ABHD15: variants seen among roughly 807,000 people sequenced by gnomAD.
ABHD15 encodes the protein protein ABHD15.
In ABHD15, 34 loss-of-function variants were observed where a neutral mutation model predicts 34.4. That is an observed-to-expected ratio of 0.99 (90% confidence interval 0.75 to 1.32). The LOEUF is 1.32. Among genes scored for constraint, ABHD15 ranks in the 40% most tolerant of loss-of-function variants. ABHD15 has a pLI of 0.00. For synonymous variants in ABHD15, 314 were observed against 299.2 expected, an observed-to-expected ratio of 1.05 and a Z score of -0.51; for missense variants, 644 against 650.4, an observed-to-expected ratio of 0.99 and a Z score of 0.11.
At position 29,561,021 on chromosome 17, in the gene ABHD15, T is replaced by C. The variant is rs2032622527; in HGVS notation, c.*1540A>G. The stretch of plus-strand genomic sequence containing the variant: ...TTATCGAGTGCTGTCTACATTTCAG[T>C]GCAGATTCTTGGAGTTATTTCAAAG... On this transcript the variant is annotated 3_prime_UTR_variant, in exon 2 of 2. Transcript: ENST00000307201. 2 of 152,318 alleles carry C rather than the reference T, an allele frequency of 1.3e-5. No homozygotes were observed. The highest frequency in any genetic ancestry group is 3.4e-3 in the Middle Eastern group (1 of 292). 9.4% of individuals were successfully genotyped at this position (152,318 alleles called of 1,614,324 possible). A position where few individuals can be genotyped will look rare whatever the true frequency, so the allele number is the denominator to read the frequency against.
rs567633454 is a variant in ABHD15 at position 29,562,804 on chromosome 17, G to A, written c.1164C>T (p.His388=). Residue 388 remains histidine, a synonymous_variant, in exon 2 of 2, where the codon CAC becomes CAT. Coordinates refer to ENST00000307201, the MANE Select transcript of ABHD15 (RefSeq NM_198147.3). ...NPYFFLLLSR[H]GGHCGFLRQE... ...GGCGCAGGAAGCCACAGTGGCCTCC[G>A]TGGCGACTGAGCAGGAGGAAGAAGT... 121 of 1,613,366 alleles carry A rather than the reference G, an allele frequency of 7.5e-5. No homozygotes were observed. Among genetic ancestry groups the A allele is most frequent in the South Asian group, 4.4e-4 (40 of 91,078 alleles).
chr17:29,563,477 T>C (rs953059105), intron 1 of ABHD15, among the ~76,000 whole-genome samples: 1 of 151,308 alleles, frequency 6.6e-6, no homozygotes, highest in East Asian at 1.9e-4. Context: ...GCCTGGGAGG[T>C]CAAGGCTGCA....
rs751969763 is a variant in ABHD15, at chr17:29,566,848, C to A, written c.119G>T (p.Gly40Val). 2.1e-5 allele frequency: 32 copies of A among 1,513,626 alleles called. No individual in the cohort carries two copies. Among genetic ancestry groups the A allele is most frequent in the Non-Finnish European group, 2.7e-5 (31 of 1,139,168 alleles). 93.8% of individuals were successfully genotyped at this position (1,513,626 alleles called of 1,614,324 possible). ...GRAVGERTLP[G>V]AQDRDDGEEA... is the part of the protein sequence containing the mutation. ...CTCCCCGTCGTCTCGGTCTTGGGCC[C>A]CCGGCAGGGTCCTCTCTCCGACGGC... is the stretch of plus-strand genomic sequence containing the variant. Residue 40 changes from glycine (G) to valine (V), a missense_variant, in exon 1 of 2, where the codon GGG (glycine) becomes GTG (valine). By Grantham distance (109) the Gly-to-Val change is moderately radical. Coordinates refer to ENST00000307201, the MANE Select transcript of ABHD15 (RefSeq NM_198147.3).
At position 29,562,704 on chromosome 17, in the gene ABHD15, C is replaced by T. The variant is rs866479542; in HGVS notation, c.1264G>A (p.Glu422Lys). 1 of 1,614,198 alleles carries T rather than the reference C, an allele frequency of 6.2e-7. No homozygotes were observed. The highest frequency in any genetic ancestry group is 8.5e-7 in the Non-Finnish European group (1 of 1,180,046). ...FRALTEFFRT[E>K]ERIKGLSRHR... ...CTGCTCAGCCCTTTAATCCTCTCCT[C>T]CGTTCGGAAGAACTCAGTCAAGGCC... Residue 422 changes from glutamate (E) to lysine (K), a missense_variant, in exon 2 of 2, where the codon GAG becomes AAG. Coordinates refer to ENST00000307201, the MANE Select transcript of ABHD15 (RefSeq NM_198147.3).
intron 1 of ABHD15, 133 bp from the exon 2 acceptor site, chr17:29,563,219 G>C: frequency 9.6e-7 from 1 of 1,039,188 alleles, no homozygotes; most frequent in South Asian, 1.6e-5. Context: ...GCCATTTAGG[G>C]CTTCGAAAAC....
rs2032653309 is a variant in ABHD15, at chr17:29,563,056, G to A, written c.912C>T (p.Asp304=). 6.2e-7 allele frequency: 1 copy of A among 1,608,604 alleles called. No individual in the cohort carries two copies. The highest frequency in any genetic ancestry group is 1.3e-5 in the African/African-American group (1 of 75,036). The change falls in exon 2 of 2, where the codon GAC becomes GAT. Residue 304 remains aspartate, a synonymous_variant. Transcript: ENST00000307201. ...RYATALEDTV[D]TSRLFRSRSL... is the part of the protein sequence containing the mutation. ...AACGGCTCCTGAACAGTCTGCTGGT[G>A]TCCACAGTGTCCTCCAGGGCTGTGG... is the stretch of plus-strand genomic sequence containing the variant.
chr17:29,566,170 A>G lies in ABHD15; in HGVS notation c.797T>C (p.Leu266Pro). The change falls in exon 1 of 2, where the codon CTG becomes CCG. Residue 266 changes from leucine (L) to proline (P), a missense_variant. Physicochemically the swap from Leu to Pro is moderately conservative, Grantham distance 98. Transcript: ENST00000307201. Reference protein sequence around the residue: ...VTGAACISPVLRCREWFEAGL... With the variant: ...VTGAACISPVPRCREWFEAGL... ...GGCCTCGAACCACTCTCGGCAGCGC[A>G]GCACGGGCGAGATGCAGGCGGCGCC... 1.9e-6 allele frequency: 3 copies of G among 1,608,060 alleles called. No homozygotes were observed. Among genetic ancestry groups the G allele is most frequent in the Non-Finnish European group, 2.5e-6 (3 of 1,176,716 alleles).
At chr17:29,563,124 G>A (rs187845373) in intron 1 of ABHD15, 38 bp from the exon 2 acceptor site, 9 of 1,569,304 alleles carry the variant, frequency 5.7e-6, no homozygotes, top group Non-Finnish European at 7.7e-6. Context: ...GTGGGAAAGA[G>A]AGGGAAGAAT....
intron 1 of ABHD15, among the ~76,000 whole-genome samples, chr17:29,563,375 A>C (rs1417208255): frequency 4.1e-5 from 6 of 146,044 alleles, no homozygotes; most frequent in Non-Finnish European, 7.5e-5. Context: ...CAGGGCGAAA[A>C]CCCATCTCTA....
Position 29,567,022 on chromosome 17 carries a change from G to T in ABHD15, c.-56C>A. The T allele has an allele frequency of 1.6e-6, 2 of 1,227,314 alleles. No individual in the cohort carries two copies. The highest frequency in any genetic ancestry group is 2.0e-6 in the Non-Finnish European group (2 of 986,448). 76.0% of individuals were successfully genotyped at this position (1,227,314 alleles called of 1,614,324 possible). A position where few individuals can be genotyped will look rare whatever the true frequency, so the allele number is the denominator to read the frequency against. On this transcript the variant is annotated 5_prime_UTR_variant, in exon 1 of 2. Coordinates refer to ENST00000307201, the MANE Select transcript of ABHD15 (RefSeq NM_198147.3). The surrounding 1 kb of genome is among the most constrained non-coding windows in gnomAD (Gnocchi z 6.6). ...GGCGGCGGGGCCGTCTACTCGGCGA[G>T]CTCCGCGCTTTGCCCGCGGCTCCGC...
chr17:29,564,219 A>G (rs541663876), intron 1 of ABHD15, among the ~76,000 whole-genome samples: 14 of 152,394 alleles, frequency 9.2e-5, no homozygotes, highest in South Asian at 4.1e-4. Flanking sequence ...ACCTCTGCTA[A>G]TAATTCACAT....
At position 29,561,310 on chromosome 17, in the gene ABHD15, T is replaced by A. The variant is rs938603917; in HGVS notation, c.*1251A>T. On this transcript the variant is annotated 3_prime_UTR_variant, in exon 2 of 2. Coordinates refer to ENST00000307201, the MANE Select transcript of ABHD15 (RefSeq NM_198147.3). ...AACATATGTCCTGTTGCCAAAAAAA[T>A]TTTAATTGCCTAATCCAAACCAGAA... The A allele has an allele frequency of 6.6e-6, 1 of 152,192 alleles. No homozygotes were observed. The highest frequency in any genetic ancestry group is 2.4e-5 in the African/African-American group (1 of 41,444). The allele number at this position is 152,192 out of a possible 1,614,324, so 9.4% of individuals were successfully genotyped here.
chr17:29,561,400 A>C lies in ABHD15; in HGVS notation c.*1161T>G, dbSNP rs1220422625. The C allele has an allele frequency of 6.6e-6, 1 of 152,278 alleles. No homozygotes were observed. Among genetic ancestry groups the C allele is most frequent in the East Asian group, 1.9e-4 (1 of 5,208 alleles). 9.4% of individuals were successfully genotyped at this position (152,278 alleles called of 1,614,324 possible). A position where few individuals can be genotyped will look rare whatever the true frequency, so the allele number is the denominator to read the frequency against. On this transcript the variant is annotated 3_prime_UTR_variant, in exon 2 of 2. Transcript: ENST00000307201. Reference sequence around the variant, plus strand: ...TACTATATCTCTAGTCCTCAGCATTATTCTTCATAAAACCAAATACCCACT... The same window carrying C: ...TACTATATCTCTAGTCCTCAGCATTCTTCTTCATAAAACCAAATACCCACT...
Position 29,566,640 on chromosome 17 carries a change from G to C in ABHD15, c.327C>G (p.Leu109=), listed in dbSNP as rs1324222770. The change falls in exon 1 of 2, where the codon CTC becomes CTG. Residue 109 remains leucine (L), a synonymous_variant. Coordinates refer to ENST00000307201, the MANE Select transcript of ABHD15 (RefSeq NM_198147.3). ...SWFSGPHLQT[L]CHFVLPVAPG... is the part of the protein sequence containing the mutation. ...GCGCTACGGGCAGGACGAAGTGGCA[G>C]AGGGTCTGCAGGTGGGGCCCGGAGA... 2.5e-6 allele frequency: 4 copies of C among 1,606,568 alleles called. No individual in the cohort carries two copies. The African/African-American group carries it at 5.3e-5, about 21-fold the overall frequency.
chr17:29,562,350 A>G lies in ABHD15; in HGVS notation c.*211T>C. On this transcript the variant is annotated 3_prime_UTR_variant, in exon 2 of 2. Coordinates refer to ENST00000307201, the MANE Select transcript of ABHD15 (RefSeq NM_198147.3). ...CCGGATGAGTAGGGATATGTTGAGC[A>G]GAGGCCAGGCAGGAGTTCTGCTGAG... is the stretch of plus-strand genomic sequence containing the variant. 3.8e-6 allele frequency: 2 copies of G among 531,832 alleles called. No homozygotes were observed. The highest frequency in any genetic ancestry group is 6.3e-5 in the South Asian group (2 of 31,588). The allele number at this position is 531,832 out of a possible 1,614,324, so 32.9% of individuals were successfully genotyped here.
chr17:29,562,552 C>T lies in ABHD15; in HGVS notation c.*9G>A. On this transcript the variant is annotated 3_prime_UTR_variant, in exon 2 of 2. Transcript: ENST00000307201. ...TTTGCAGGACTTGGGGGTTCTCAGG[C>T]CAGGTCTTTCACCTTGTGTATGATC... is the stretch of plus-strand genomic sequence containing the variant. 1.2e-6 allele frequency: 2 copies of T among 1,607,732 alleles called. No homozygotes were observed. Among genetic ancestry groups the T allele is most frequent in the African/African-American group, 2.7e-5 (2 of 74,830 alleles).
rs2032625315 is a variant in ABHD15 at position 29,561,291 on chromosome 17, T to C, written c.*1270A>G. 1 of 152,214 alleles carries C rather than the reference T, an allele frequency of 6.6e-6. No homozygotes were observed. The allele number at this position is 152,214 out of a possible 1,614,324, so 9.4% of individuals were successfully genotyped here. On this transcript the variant is annotated 3_prime_UTR_variant, in exon 2 of 2. Coordinates refer to ENST00000307201, the MANE Select transcript of ABHD15 (RefSeq NM_198147.3). ...AATCTTAGCAACACATGGAAACATA[T>C]GTCCTGTTGCCAAAAAAATTTTAAT...
In ABHD15 at chr17:29,566,159, C is replaced by T. The variant is rs1319759696; in HGVS notation, c.808G>A (p.Glu270Lys). Reference protein sequence around the residue: ...ACISPVLRCREWFEAGLPWPY... With the variant: ...ACISPVLRCRKWFEAGLPWPY... ...CAGGGCAGGCCGGCCTCGAACCACT[C>T]TCGGCAGCGCAGCACGGGCGAGATG... Residue 270 changes from glutamate (E) to lysine (K), a missense_variant, in exon 1 of 2, where the codon GAG becomes AAG. Physicochemically the swap from Glu to Lys is moderately conservative, Grantham distance 56 (BLOSUM62 1). Coordinates refer to ENST00000307201, the MANE Select transcript of ABHD15 (RefSeq NM_198147.3). The T allele has an allele frequency of 4.4e-6, 7 of 1,602,742 alleles. No homozygotes were observed. The highest frequency in any genetic ancestry group is 2.2e-5 in the East Asian group (1 of 44,580).
At position 29,562,876 on chromosome 17, in the gene ABHD15, T is replaced by G. The variant is rs890269832; in HGVS notation, c.1092A>C (p.Gly364=). Residue 364 remains glycine, a synonymous_variant, in exon 2 of 2, where the codon GGA becomes GGC. Transcript: ENST00000307201. ...CICSADDPVC[G]PPDHTLTTEL... is the part of the protein sequence containing the mutation. Reference sequence around the variant, plus strand: ...CAGTTGTCAGAGTGTGGTCTGGGGGTCCACACACGGGGTCGTCAGCACTGC... The same window carrying G: ...CAGTTGTCAGAGTGTGGTCTGGGGGGCCACACACGGGGTCGTCAGCACTGC... The G allele has an allele frequency of 1.2e-6, 2 of 1,613,766 alleles. No homozygotes were observed. Among genetic ancestry groups the G allele is most frequent in the African/African-American group, 2.7e-5 (2 of 74,818 alleles).
Sources: gnomAD v4.1 joint callset for allele counts (sites outside exome capture counted in the v4.1 genomes callset) on GRCh38, gnomAD v4.1.1 for gene constraint, Gnocchi (gnomAD v3.1) non-coding constraint, MANE v1.5 for transcripts, NCBI Gene and HGNC (gene_info 2026-07-23, HGNC 2026-07-21) for gene names.